The following DLGAP2 variants were observed in gnomAD, a reference collection of about 807,000 sequenced individuals.
The protein encoded by DLGAP2 is disks large-associated protein 2.
Under a neutral mutation model 100.3 loss-of-function variants are expected in DLGAP2, and 26 were observed. The observed-to-expected ratio is 0.26, with a 90% CI of 0.19 to 0.36. The LOEUF (loss-of-function observed/expected upper bound fraction) is 0.36, where lower values mean the gene tolerates loss of function less well. Ranked by LOEUF, DLGAP2 falls within the 10% of genes least tolerant of loss-of-function variation. The pLI, the probability that DLGAP2 is intolerant of heterozygous loss-of-function variation, is 1.00. For synonymous variants in DLGAP2, 886 were observed against 630.1 expected, an observed-to-expected ratio of 1.41 and a Z score of -6.08; for missense variants, 1,858 against 1,453.2, an observed-to-expected ratio of 1.28 and a Z score of -4.53.
intron 2 of DLGAP2, among the ~76,000 whole-genome samples, chr8:1,195,436 A>C (rs1037382022): frequency 6.6e-6 from 1 of 152,242 alleles, no homozygotes; most frequent in African/African-American, 2.4e-5. Flanking sequence ...TTTAAATGGG[A>C]AACAGGCTGC....
At chr8:1,180,047 A>C (rs989367825) in intron 2 of DLGAP2, among the ~76,000 whole-genome samples, 17 of 152,256 alleles carry the variant, frequency 1.1e-4, no homozygotes, top group Non-Finnish European at 1.5e-5. Context: ...ATGGAGAAGC[A>C]CTGGCAAAGA....
chr8:1,355,740 G>A (rs1013036482), intron 3 of DLGAP2, among the ~76,000 whole-genome samples: 1 of 152,026 alleles, frequency 6.6e-6, no homozygotes, highest in African/African-American at 2.4e-5. Flanking sequence ...AACAAGACTG[G>A]TCCTGTCCCT....
rs1796019740 is a variant in DLGAP2 at position 795,836 on chromosome 8, CT to C, written c.18+58012del. Among the ~76,000 whole-genome samples the C allele has an allele frequency of 1.8e-4, 11 of 60,138 alleles. 2 individuals carry two copies. Among genetic ancestry groups the C allele is most frequent in the Admixed American group, 3.8e-4 (2 of 5,270 alleles). 39.5% of individuals were successfully genotyped at this position (60,138 alleles called of 152,430 possible). On this transcript the variant is annotated intron_variant, in intron 1 of 14. Coordinates refer to ENST00000637795, the MANE Select transcript of DLGAP2 (RefSeq NM_001346810.2). Reference sequence around the variant, plus strand: ...GAGAGCAGGCGTCCGGTGAGAGCAGCTGTCCGGTGAGAGCAGGCGTCCAGTG... The same window carrying C: ...GAGAGCAGGCGTCCGGTGAGAGCAGCGTCCGGTGAGAGCAGGCGTCCAGTG...
intron 4 of DLGAP2, among the ~76,000 whole-genome samples, chr8:1,518,939 G>A (rs1197060153): frequency 6.6e-6 from 1 of 152,150 alleles, no homozygotes; most frequent in Non-Finnish European, 1.5e-5. Context: ...TGGCTAAGAT[G>A]AGACCAACTC....
At chr8:1,412,977 C>T (rs559300638) in intron 3 of DLGAP2, among the ~76,000 whole-genome samples, 2 of 152,168 alleles carry the variant, frequency 1.3e-5, no homozygotes, top group South Asian at 4.1e-4. Context: ...GTAAAACAGA[C>T]TTGCCCTTCC....
intron 2 of DLGAP2, among the ~76,000 whole-genome samples, chr8:1,126,032 T>C (rs1275987035): frequency 1.3e-5 from 2 of 152,208 alleles, no homozygotes; most frequent in African/African-American, 4.8e-5. Context: ...TAAAACTGTT[T>C]GTGTATCCCC....
At chr8:816,258 T>C (rs1029790042) in intron 1 of DLGAP2, among the ~76,000 whole-genome samples, 1 of 143,408 alleles carries the variant, frequency 7.0e-6, no homozygotes, top group African/African-American at 2.6e-5. Flanking sequence ...ATGCTATTTG[T>C]TTCCTGAATA....
At chr8:866,716 C>T (rs868898) in intron 1 of DLGAP2, among the ~76,000 whole-genome samples, 1 of 152,144 alleles carries the variant, frequency 6.6e-6, no homozygotes, top group African/African-American at 2.4e-5. Context: ...AATACTTTCC[C>T]AGACGCTGTG....
chr8:1,700,953 C>G (rs998029007), intron 14 of DLGAP2, among the ~76,000 whole-genome samples: 3 of 152,254 alleles, frequency 2.0e-5, no homozygotes, highest in Non-Finnish European at 4.4e-5. Flanking sequence ...CTGCCCCTGA[C>G]GCCTCTGCCC....
chr8:884,318 T>C (rs1373484906), intron 1 of DLGAP2, among the ~76,000 whole-genome samples: 1 of 152,234 alleles, frequency 6.6e-6, no homozygotes, highest in Non-Finnish European at 1.5e-5. Flanking sequence ...TCTTGACTTT[T>C]TAATAATTGC....
chr8:1,329,269 A>G (rs560201185), intron 3 of DLGAP2, among the ~76,000 whole-genome samples: 1 of 152,310 alleles, frequency 6.6e-6, no homozygotes, highest in Admixed American at 6.5e-5. Flanking sequence ...CATGGAATGA[A>G]GTTTACTCTC....
rs189091775 is a variant in DLGAP2 at position 1,163,180 on chromosome 8, C to G, written c.74-95671C>G. On this transcript the variant is annotated intron_variant, in intron 2 of 14. Coordinates refer to ENST00000637795, the MANE Select transcript of DLGAP2 (RefSeq NM_001346810.2). ...CGTGCACTGAAACTAGCGCCAGTAC[C>G]GGAGGCCACTGACGTGTCTGTGCCA... is the stretch of plus-strand genomic sequence containing the variant. Among the ~76,000 whole-genome samples, 13 of 152,320 alleles carry G rather than the reference C, an allele frequency of 8.5e-5. No individual in the cohort carries two copies. In the East Asian group the frequency reaches 2.3e-3, roughly 27 times the overall value.
intron 3 of DLGAP2, among the ~76,000 whole-genome samples, chr8:1,357,371 C>A (rs1801880546): frequency 6.6e-6 from 1 of 151,832 alleles, no homozygotes; most frequent in African/African-American, 2.4e-5. Flanking sequence ...CAGATACAAC[C>A]CCTTCCTGAT....
At chr8:1,457,654 C>G (rs1405517448) in intron 3 of DLGAP2, among the ~76,000 whole-genome samples, 1 of 152,010 alleles carries the variant, frequency 6.6e-6, no homozygotes, top group Non-Finnish European at 1.5e-5. Flanking sequence ...GGCAATTTTT[C>G]CTCACTATGT....
intron 2 of DLGAP2, among the ~76,000 whole-genome samples, chr8:1,110,634 T>G (rs1804924970): frequency 1.3e-5 from 2 of 151,988 alleles, no homozygotes; most frequent in Admixed American, 1.3e-4. Context: ...TGCCATACTG[T>G]CCCTGAAATT....
chr8:1,653,540 T>A (rs916154122), intron 8 of DLGAP2, among the ~76,000 whole-genome samples: 2 of 152,224 alleles, frequency 1.3e-5, no homozygotes, highest in East Asian at 3.9e-4. Flanking sequence ...GCAACTTCAG[T>A]GCAAGGAGCC....
At chr8:1,532,551 A>C (rs1012351384) in intron 4 of DLGAP2, among the ~76,000 whole-genome samples, 16 of 152,178 alleles carry the variant, frequency 1.1e-4, no homozygotes, top group Admixed American at 9.8e-4. Context: ...ATTTGGGTCA[A>C]TTTATTTCTC....
Position 1,213,728 on chromosome 8 carries a change from C to T in DLGAP2, c.74-45123C>T, listed in dbSNP as rs565822592. 1.7e-4 allele frequency among the ~76,000 whole-genome samples: 26 copies of T among 152,268 alleles called. 1 individual carries two copies. In the East Asian group the frequency reaches 4.6e-3, roughly 27 times the overall value. ...CAAGGGCCCTCTCCCATCAGGATGTCGGGGACCAAGGGCTTTCCATGAAGT... is the reference window on the plus strand; with the variant it reads ...CAAGGGCCCTCTCCCATCAGGATGTTGGGGACCAAGGGCTTTCCATGAAGT... On this transcript the variant is annotated intron_variant, in intron 2 of 14. Transcript: ENST00000637795.
chr8:1,486,628 A>G (rs532764493), intron 3 of DLGAP2, among the ~76,000 whole-genome samples: 180 of 106,508 alleles, frequency 1.7e-3, no homozygotes, highest in African/African-American at 4.6e-3. Context: ...GAGAGCCACA[A>G]CACTAACAGA....
Sources: gnomAD v4.1 joint callset for allele counts (sites outside exome capture counted in the v4.1 genomes callset) on GRCh38, gnomAD v4.1.1 for gene constraint, MANE v1.5 for transcripts, NCBI Gene and HGNC (gene_info 2026-07-23, HGNC 2026-07-21) for gene names.